The following USP24 variants were observed in gnomAD, a reference collection of about 807,000 sequenced individuals.
The protein encoded by USP24 is ubiquitin specific peptidase 24.
In USP24, 97 loss-of-function variants were observed where a neutral mutation model predicts 361.6. That is an observed-to-expected ratio of 0.27 (90% CI 0.23 to 0.32). USP24 has a LOEUF of 0.32. Ranked by LOEUF, USP24 falls within the 10% of genes least tolerant of loss-of-function variation. USP24 has a pLI of 1.00. For synonymous variants in USP24, 1,098 were observed against 1,124.6 expected (o/e 0.98, Z 0.47); for missense variants, 2,353 against 3,165.6 (o/e 0.74, Z 6.16).
chr1:55,089,859 C>T (rs1041349709), intron 54 of USP24, 119 bp from the exon 55 acceptor site: 3 of 668,314 alleles, frequency 4.5e-6, no homozygotes, highest in South Asian at 2.3e-5. Context: ...GTATGTCTCT[C>T]GTGGGTAGAG....
At chr1:55,183,186 T>G (rs1644026887) in intron 1 of USP24, among the ~76,000 whole-genome samples, 1 of 152,186 alleles carries the variant, frequency 6.6e-6, no homozygotes, top group Non-Finnish European at 1.5e-5. Context: ...TTCAAAGGAT[T>G]TAGTACTGGA....
intron 55 of USP24, chr1:55,086,355 C>T (rs1315916013): frequency 2.9e-6 from 1 of 342,770 alleles, no homozygotes; most frequent in African/African-American, 2.1e-5. Flanking sequence ...CTGCAATTCT[C>T]TTGAAGGGAA....
chr1:55,213,788 C>T (rs1005700257), intron 1 of USP24, among the ~76,000 whole-genome samples: 1 of 152,086 alleles, frequency 6.6e-6, no homozygotes. Context: ...CCCCACGTTC[C>T]TTGCTCACAC....
chr1:55,107,294 G>A lies in USP24; in HGVS notation c.4707C>T (p.His1569=), dbSNP rs1250258415. Residue 1569 remains histidine (H), a synonymous_variant, in exon 40 of 68, where the codon CAC becomes CAT. Coordinates refer to ENST00000294383, the MANE Select transcript of USP24 (RefSeq NM_015306.3). ...SEADNILLAG[H]LRLIKTLLSL... is the part of the protein sequence containing the mutation. ...AAAGAAGGGTCTTGATGAGGCGTAA[G>A]TGCCCTGCCAGTAAGATGTTGTCCG... 1.2e-6 allele frequency: 2 copies of A among 1,613,928 alleles called. No individual in the cohort carries two copies. The highest frequency in any genetic ancestry group is 1.7e-5 in the Admixed American group (1 of 60,022).
chr1:55,117,722 G>A (rs1192125319), intron 38 of USP24, among the ~76,000 whole-genome samples: 6 of 111,552 alleles, frequency 5.4e-5, no homozygotes, highest in East Asian at 3.1e-4. Flanking sequence ...CGGCCTGGGC[G>A]ACAGAGCGAG....
chr1:55,174,654 G>A (rs139302990), intron 3 of USP24, among the ~76,000 whole-genome samples: 3 of 152,320 alleles, frequency 2.0e-5, no homozygotes, highest in Non-Finnish European at 4.4e-5. Context: ...CTGGATACAC[G>A]GATTTCTGGA....
chr1:55,069,190 T>C (rs1258336946), intron 67 of USP24, 83 bp from the exon 68 acceptor site: 3 of 1,360,448 alleles, frequency 2.2e-6, no homozygotes, highest in Non-Finnish European at 3.1e-6. Flanking sequence ...AATTTAAACA[T>C]GTCTTCATCT....
chr1:55,148,361 AAC>A, intron 17 of USP24, 100 bp downstream of exon 17: 1 of 624,244 alleles, frequency 1.6e-6, no homozygotes, highest in East Asian at 3.4e-5. Flanking sequence ...TACATCAATA[AAC>A]ATAAAGATAG....
chr1:55,154,528 T>G, intron 13 of USP24, 62 bp from the exon 14 acceptor site: 1 of 1,522,928 alleles, frequency 6.6e-7, no homozygotes, highest in Non-Finnish European at 8.9e-7. Flanking sequence ...ATGCAAAAAT[T>G]TTAAACTTGA....
At chr1:55,212,575 T>C (rs1644872622) in intron 1 of USP24, among the ~76,000 whole-genome samples, 1 of 152,170 alleles carries the variant, frequency 6.6e-6, no homozygotes, top group African/African-American at 2.4e-5. Flanking sequence ...ATCAAGAGCC[T>C]CAGTTTCCCA....
chr1:55,125,447 C>T lies in USP24; in HGVS notation c.3833G>A (p.Arg1278Gln), dbSNP rs756005936. The T allele has an allele frequency of 2.7e-5, 44 of 1,613,802 alleles. No homozygotes were observed. Among genetic ancestry groups the T allele is most frequent in the African/African-American group, 4.0e-5 (3 of 74,906 alleles). ...TAAGGACATCTGTCTGCTTGTCTGCCGGCTGACATTTCGGAATGGGCGGGA... is the reference window on the plus strand; with the variant it reads ...TAAGGACATCTGTCTGCTTGTCTGCTGGCTGACATTTCGGAATGGGCGGGA... Reference protein sequence around the residue: ...LSSRPFRNVSRQTSRQMSLCG... With the variant: ...LSSRPFRNVSQQTSRQMSLCG... Residue 1278 changes from arginine (R) to glutamine (Q), a missense_variant, in exon 34 of 68, where the codon CGG becomes CAG. By Grantham distance (43) the Arg-to-Gln change is conservative (BLOSUM62 1). Transcript: ENST00000294383.
At chr1:55,125,591 T>C in intron 33 of USP24, 43 bp from the exon 34 acceptor site, 1 of 1,587,772 alleles carries the variant, frequency 6.3e-7, no homozygotes, top group East Asian at 2.3e-5. Context: ...CCATTCATAC[T>C]ATTTAAAAAC....
chr1:55,136,655 C>T (rs1201374126), intron 28 of USP24, among the ~76,000 whole-genome samples: 5 of 152,070 alleles, frequency 3.3e-5, no homozygotes, highest in Non-Finnish European at 7.4e-5. Flanking sequence ...AGAATTTGGT[C>T]ATGGACACGG....
chr1:55,072,357 G>A lies in USP24; in HGVS notation c.7649C>T (p.Thr2550Ile). Residue 2550 changes from threonine (T) to isoleucine (I), a missense_variant, in exon 66 of 68, where the codon ACA becomes ATA. By Grantham distance (89) the Thr-to-Ile change is moderately conservative. Coordinates refer to ENST00000294383, the MANE Select transcript of USP24 (RefSeq NM_015306.3). The stretch of plus-strand genomic sequence containing the variant: ...TCGCTGAAAGGTTTTTCCAGTTGAT[G>A]TTTCATTAGAGACATTACTCTGTGG... Reference protein sequence around the residue: ...WTPQSNVSNETSTGKTFQRTI... With the variant: ...WTPQSNVSNEISTGKTFQRTI... 1 of 1,613,692 alleles carries A rather than the reference G, an allele frequency of 6.2e-7. No individual in the cohort carries two copies. The highest frequency in any genetic ancestry group is 8.5e-7 in the Non-Finnish European group (1 of 1,179,814).
intron 57 of USP24, 62 bp downstream of exon 57, chr1:55,083,710 A>C: frequency 7.6e-7 from 1 of 1,310,256 alleles, no homozygotes. Context: ...ATCCAGTCTA[A>C]AAATTTTTTA....
At chr1:55,172,616 AT>A in intron 3 of USP24, 96 bp from the exon 4 acceptor site, 2 of 1,323,952 alleles carry the variant, frequency 1.5e-6, no homozygotes, top group Non-Finnish European at 2.0e-6. Context: ...AGAGATTATG[AT>A]GAAAATACTT....
At chr1:55,133,928 G>T in intron 30 of USP24, 142 bp downstream of exon 30, 1 of 811,018 alleles carries the variant, frequency 1.2e-6, no homozygotes, top group Non-Finnish European at 2.0e-6. Context: ...CCACTGCACT[G>T]GGCTGGTGAA....
intron 1 of USP24, among the ~76,000 whole-genome samples, chr1:55,200,583 C>T (rs951453677): frequency 1.3e-5 from 2 of 152,066 alleles, no homozygotes; most frequent in Non-Finnish European, 2.9e-5. Flanking sequence ...GTCTCAATAG[C>T]TTTACTTCAA....
intron 10 of USP24, among the ~76,000 whole-genome samples, chr1:55,157,580 C>G (rs187848812): frequency 2.6e-5 from 4 of 152,234 alleles, no homozygotes; most frequent in Admixed American, 6.5e-5. Context: ...CGCCTGTAAT[C>G]CCAGCACATT....
Sources: allele counts gnomAD v4.1 joint callset (sites outside exome capture counted in the v4.1 genomes callset), GRCh38; gene constraint gnomAD v4.1.1; transcripts MANE v1.5; gene names NCBI Gene and HGNC (gene_info 2026-07-23, HGNC 2026-07-21).